AK9: variants seen among roughly 807,000 people sequenced by gnomAD.
AK9 encodes the protein adenylate kinase 9, also known as adenylate kinase domain containing 1.
AK9 carries 191 observed loss-of-function variants against 239.6 expected under a neutral mutation model. The ratio of observed to expected loss-of-function variants is 0.80; its 90% CI spans 0.71 to 0.90. The LOEUF is 0.90. Ranked by LOEUF, AK9 falls within the 40% of genes least tolerant of loss-of-function variation. AK9 has a pLI of 0.00. For missense variants in AK9, 1,995 were observed against 2,214.7 expected (o/e 0.90, Z 1.99); for synonymous variants, 689 against 721.0 (o/e 0.96, Z 0.71).
intron 27 of AK9, among the ~76,000 whole-genome samples, chr6:109,540,692 G>A (rs951340544): frequency 1.3e-5 from 2 of 152,102 alleles, no homozygotes; most frequent in African/African-American, 2.4e-5. Flanking sequence ...CCTCTCCGTC[G>A]CTCACACTGG....
intron 17 of AK9, among the ~76,000 whole-genome samples, chr6:109,594,121 C>A (rs1029286005): frequency 6.6e-6 from 1 of 152,156 alleles, no homozygotes; most frequent in African/African-American, 2.4e-5. Context: ...AGACCCCCAT[C>A]GTCTCAGCCC....
Position 109,502,046 on chromosome 6 carries a change from A to G in AK9, c.4850-2806T>C, listed in dbSNP as rs373378445. On this transcript the variant is annotated intron_variant, in intron 35 of 40. Coordinates refer to ENST00000424296, the MANE Select transcript of AK9 (RefSeq NM_001145128.3). ...TTCACCATATCATCATATCATGTGT[A>G]TCACTGGAAGCCACAGGGTGGGCTG... Among the ~76,000 whole-genome samples, 6 of 152,310 alleles carry G rather than the reference A, an allele frequency of 3.9e-5. No individual in the cohort carries two copies. The East Asian group carries it at 1.2e-3, about 29-fold the overall frequency.
chr6:109,545,979 A>G lies in AK9; in HGVS notation c.3113T>C (p.Val1038Ala), dbSNP rs1322376952. 1 of 1,614,174 alleles carries G rather than the reference A, an allele frequency of 6.2e-7. No individual in the cohort carries two copies. The highest frequency in any genetic ancestry group is 1.7e-5 in the Admixed American group (1 of 60,014). ...AGAATCTTCCTCAAATTCAGGTCCC[A>G]CTTTCTTTTCAGTTTTGAGTAGTAG... Reference protein sequence around the residue: ...EKLLLKTEKKVGPEFEEDSEN... With the variant: ...EKLLLKTEKKAGPEFEEDSEN... Residue 1038 changes from valine to alanine, a missense_variant, in exon 26 of 41, where the codon GTG becomes GCG. Val to Ala is a moderately conservative substitution (Grantham distance 64, BLOSUM62 0). Around this residue, in one of 5 missense-constraint regions of AK9, gnomAD observed 1,290 missense variants for 1,392.7 expected, o/e 0.93. Coordinates refer to ENST00000424296, the MANE Select transcript of AK9 (RefSeq NM_001145128.3).
At chr6:109,600,437 C>T (rs1365099910) in intron 17 of AK9, among the ~76,000 whole-genome samples, 1 of 152,204 alleles carries the variant, frequency 6.6e-6, no homozygotes, top group African/African-American at 2.4e-5. Context: ...CCCACTTGAT[C>T]ATGGTGGATA....
At chr6:109,622,355 G>C (rs1794972896) in intron 12 of AK9, among the ~76,000 whole-genome samples, 1 of 141,330 alleles carries the variant, frequency 7.1e-6, no homozygotes, top group African/African-American at 2.6e-5. Flanking sequence ...CATATATATA[G>C]TATATATAGC....
chr6:109,497,357 CA>C, intron 38 of AK9, 107 bp downstream of exon 38: 4 of 656,904 alleles, frequency 6.1e-6, no homozygotes, highest in Non-Finnish European at 5.3e-6. Flanking sequence ...CACACACACA[CA>C]CACACTCTCT....
At chr6:109,673,283 C>T (rs1223309773) in intron 3 of AK9, among the ~76,000 whole-genome samples, 1 of 152,064 alleles carries the variant, frequency 6.6e-6, no homozygotes, top group East Asian at 1.9e-4. Context: ...TGCAACTTTA[C>T]TAACAGCATG....
At position 109,497,583 on chromosome 6, in the gene AK9, A is replaced by G; in HGVS notation, c.5217-20T>C. The G allele has an allele frequency of 6.6e-7, 1 of 1,510,266 alleles. No homozygotes were observed. The allele number at this position is 1,510,266 out of a possible 1,614,324, so 93.6% of individuals were successfully genotyped here. ...TCATATCTGGAAGACCAAAAAACAAAACAAAACCTCTATTGTATAATTAAT... is the reference window on the plus strand; with the variant it reads ...TCATATCTGGAAGACCAAAAAACAAGACAAAACCTCTATTGTATAATTAAT... On this transcript the variant is annotated intron_variant, in intron 37 of 40. Transcript: ENST00000424296.
chr6:109,583,386 A>G (rs555577590), intron 19 of AK9, among the ~76,000 whole-genome samples: 26 of 152,302 alleles, frequency 1.7e-4, no homozygotes, highest in African/African-American at 6.3e-4. Flanking sequence ...GATGCTGGAA[A>G]AGTTTTAAAA....
chr6:109,499,497 C>T (rs1202053330), intron 35 of AK9, among the ~76,000 whole-genome samples: 2 of 152,088 alleles, frequency 1.3e-5, no homozygotes, highest in Non-Finnish European at 2.9e-5. Context: ...TACTTTTTTG[C>T]ATATAGTATG....
intron 2 of AK9, 26 bp from the exon 3 acceptor site, chr6:109,674,287 GC>G: frequency 6.7e-7 from 1 of 1,499,080 alleles, no homozygotes; most frequent in Non-Finnish European, 9.0e-7. Context: ...GTTATTTAAA[GC>G]CCAATAGAAC....
chr6:109,635,582 T>TA (rs1176002134), intron 10 of AK9, among the ~76,000 whole-genome samples: 1 of 152,172 alleles, frequency 6.6e-6, no homozygotes, highest in South Asian at 2.1e-4. Context: ...ACAGCCAAGG[T>TA]AGCGGGGCAG....
intron 29 of AK9, among the ~76,000 whole-genome samples, chr6:109,517,284 A>C (rs1348652231): frequency 6.6e-6 from 1 of 152,218 alleles, no homozygotes; most frequent in Non-Finnish European, 1.5e-5. Flanking sequence ...CACTGCCTCC[A>C]ACCTGCCATC....
intron 10 of AK9, among the ~76,000 whole-genome samples, chr6:109,638,756 C>A (rs1797025439): frequency 6.6e-6 from 1 of 152,170 alleles, no homozygotes; most frequent in Admixed American, 6.5e-5. Context: ...CACCCATCAA[C>A]TTGTCATTTA....
intron 1 of AK9, among the ~76,000 whole-genome samples, chr6:109,679,521 G>A (rs956275292): frequency 5.9e-5 from 9 of 152,056 alleles, no homozygotes; most frequent in Non-Finnish European, 1.3e-4. Context: ...GTGGCTGTGC[G>A]CACAGCTTCA....
chr6:109,506,599 T>A (rs1432672482), intron 34 of AK9, 52 bp from the exon 35 acceptor site: 1 of 1,536,114 alleles, frequency 6.5e-7, no homozygotes, highest in Non-Finnish European at 8.8e-7. Flanking sequence ...ACATATCTTT[T>A]CCCCCGTATG....
intron 27 of AK9, among the ~76,000 whole-genome samples, chr6:109,538,513 T>C (rs1408242448): frequency 2.6e-5 from 4 of 152,192 alleles, no homozygotes; most frequent in African/African-American, 9.7e-5. Flanking sequence ...GCACGTGAGA[T>C]GGGTCTCCTG....
At chr6:109,516,755 G>T in intron 29 of AK9, 113 bp from the exon 30 acceptor site, 2 of 889,640 alleles carry the variant, frequency 2.2e-6, no homozygotes, top group Non-Finnish European at 3.4e-6. Flanking sequence ...GGTATTGCAT[G>T]TTGACATTCA....
intron 17 of AK9, among the ~76,000 whole-genome samples, chr6:109,604,986 T>C (rs985184858): frequency 3.1e-5 from 3 of 96,376 alleles, no homozygotes; most frequent in Non-Finnish European, 7.3e-5. Context: ...CTAAATGAAA[T>C]TATTAGCTCC....
Sources: allele counts gnomAD v4.1 joint callset (sites outside exome capture counted in the v4.1 genomes callset), GRCh38; gene constraint gnomAD v4.1.1; regional missense constraint gnomAD v4.1.1; transcripts MANE v1.5; gene names NCBI Gene and HGNC (gene_info 2026-07-23, HGNC 2026-07-21).